Variants in CNTNAP2 observed in about 807,000 individuals in gnomAD.
The protein encoded by CNTNAP2 is contactin associated protein 2, also known as contactin-associated protein-like 2.
Under a neutral mutation model 155.2 loss-of-function variants are expected in CNTNAP2, and 98 were observed. That is an observed-to-expected ratio of 0.63 (90% CI 0.54 to 0.75). The LOEUF (loss-of-function observed/expected upper bound fraction) is 0.75. Ranked by LOEUF, CNTNAP2 falls within the 30% of genes least tolerant of loss-of-function variation. The probability of loss-of-function intolerance (pLI) is 0.00; values close to 1 mark genes in which losing one functional copy is unlikely to be tolerated. For synonymous variants in CNTNAP2, 651 were observed against 631.2 expected (o/e 1.03, Z -0.47); for missense variants, 1,727 against 1,688.1 (o/e 1.02, Z -0.40).
chr7:147,402,742 T>G (rs1234469408), intron 10 of CNTNAP2, among the ~76,000 whole-genome samples: 1 of 152,172 alleles, frequency 6.6e-6, no homozygotes, highest in African/African-American at 2.4e-5. Context: ...GACAGCTTCC[T>G]TAGGCTACGC....
At chr7:146,452,970 C>A (rs977853779) in intron 1 of CNTNAP2, among the ~76,000 whole-genome samples, 2 of 152,196 alleles carry the variant, frequency 1.3e-5, no homozygotes, top group African/African-American at 4.8e-5. Flanking sequence ...AAGAGACCTA[C>A]AACAGCCCCA....
intron 1 of CNTNAP2, among the ~76,000 whole-genome samples, chr7:146,456,840 A>C (rs926192391): frequency 6.6e-6 from 1 of 152,168 alleles, no homozygotes; most frequent in African/African-American, 2.4e-5. Flanking sequence ...GCAACAGCCC[A>C]TTTGCAATTT....
intron 10 of CNTNAP2, among the ~76,000 whole-genome samples, chr7:147,485,082 C>A (rs1199248911): frequency 6.6e-6 from 1 of 152,108 alleles, no homozygotes; most frequent in Non-Finnish European, 1.5e-5. Context: ...TGTTTCAGGA[C>A]AAATTTCAGC....
chr7:146,998,699 T>G (rs1169267434), intron 3 of CNTNAP2, among the ~76,000 whole-genome samples: 3 of 152,030 alleles, frequency 2.0e-5, no homozygotes, highest in African/African-American at 7.2e-5. Context: ...CTTTATATAT[T>G]TAGGTGGTCC....
chr7:146,437,743 A>C (rs1478704224), intron 1 of CNTNAP2, among the ~76,000 whole-genome samples: 1 of 151,616 alleles, frequency 6.6e-6, no homozygotes, highest in African/African-American at 2.4e-5. Flanking sequence ...CCTGCTAAAC[A>C]TTCCATTTGT....
At chr7:146,539,007 C>T (rs1057053459) in intron 1 of CNTNAP2, among the ~76,000 whole-genome samples, 4 of 152,030 alleles carry the variant, frequency 2.6e-5, no homozygotes, top group African/African-American at 9.7e-5. Context: ...TGTATTCATA[C>T]ACGTAGCCCA....
chr7:146,492,537 A>C (rs1380814600), intron 1 of CNTNAP2, among the ~76,000 whole-genome samples: 1 of 152,308 alleles, frequency 6.6e-6, no homozygotes, highest in African/African-American at 2.4e-5. Flanking sequence ...GCAGGTGTCA[A>C]ACCAACTCCT....
At chr7:148,185,692 T>C (rs1283883382) in intron 18 of CNTNAP2, among the ~76,000 whole-genome samples, 1 of 152,266 alleles carries the variant, frequency 6.6e-6, no homozygotes, top group Non-Finnish European at 1.5e-5. Flanking sequence ...AAAGCTTTAC[T>C]ATTGAAGTAA....
intron 15 of CNTNAP2, among the ~76,000 whole-genome samples, chr7:148,027,361 T>C (rs1258264507): frequency 6.6e-6 from 1 of 152,214 alleles, no homozygotes; most frequent in Non-Finnish European, 1.5e-5. Context: ...TGTCTGAATT[T>C]TTTCTTAATT....
chr7:146,256,780 A>G (rs113359818), intron 1 of CNTNAP2, among the ~76,000 whole-genome samples: 1 of 152,072 alleles, frequency 6.6e-6, no homozygotes, highest in Non-Finnish European at 1.5e-5. Flanking sequence ...TCCTTCAATT[A>G]CTGGTGGGAA....
At chr7:148,172,761 A>C (rs1409359439) in intron 18 of CNTNAP2, among the ~76,000 whole-genome samples, 1 of 152,296 alleles carries the variant, frequency 6.6e-6, no homozygotes, top group Non-Finnish European at 1.5e-5. Flanking sequence ...TTACATCTTA[A>C]TGGTGAGTGA....
intron 1 of CNTNAP2, among the ~76,000 whole-genome samples, chr7:146,717,998 A>G (rs184979597): frequency 6.6e-6 from 1 of 152,220 alleles, no homozygotes; most frequent in Admixed American, 6.5e-5. Flanking sequence ...CTTCTTTTAC[A>G]CCTTTAATAA....
intron 19 of CNTNAP2, among the ~76,000 whole-genome samples, chr7:148,226,238 A>T (rs1274521616): frequency 6.6e-6 from 1 of 152,172 alleles, no homozygotes; most frequent in Non-Finnish European, 1.5e-5. Context: ...CTGGAGTTCA[A>T]GAGAGAAGTC....
intron 13 of CNTNAP2, among the ~76,000 whole-genome samples, chr7:147,776,405 T>C (rs1484237772): frequency 6.6e-6 from 1 of 152,118 alleles, no homozygotes; most frequent in East Asian, 1.9e-4. Context: ...AATGCACAAT[T>C]TGCCTAAGTC....
chr7:148,275,366 G>A (rs189552677), intron 21 of CNTNAP2, among the ~76,000 whole-genome samples: 2 of 152,270 alleles, frequency 1.3e-5, no homozygotes, highest in East Asian at 3.9e-4. Context: ...ACTAGAGGAA[G>A]TAACACAGAA....
intron 3 of CNTNAP2, among the ~76,000 whole-genome samples, chr7:146,884,044 A>G (rs1795606596): frequency 6.6e-6 from 1 of 152,110 alleles, no homozygotes; most frequent in Admixed American, 6.6e-5. Context: ...TCTGATTTCT[A>G]ACTATTATTT....
At chr7:148,280,478 T>G (rs1480109718) in intron 21 of CNTNAP2, among the ~76,000 whole-genome samples, 1 of 152,154 alleles carries the variant, frequency 6.6e-6, no homozygotes, top group Non-Finnish European at 1.5e-5. Context: ...CATATCAATG[T>G]TAATATCCTG....
chr7:146,797,868 T>C (rs1020346224), intron 2 of CNTNAP2, among the ~76,000 whole-genome samples: 16 of 152,224 alleles, frequency 1.1e-4, no homozygotes, highest in Admixed American at 4.6e-4. Flanking sequence ...TCAAAAATAT[T>C]TCAGGTGTAA....
intron 1 of CNTNAP2, among the ~76,000 whole-genome samples, chr7:146,290,387 A>G (rs955971346): frequency 3.9e-5 from 6 of 152,206 alleles, no homozygotes; most frequent in Non-Finnish European, 7.3e-5. Context: ...TTAAACATGA[A>G]GACAGAACTC....
Sources: gnomAD v4.1 joint callset for allele counts (sites outside exome capture counted in the v4.1 genomes callset) on GRCh38, gnomAD v4.1.1 for gene constraint, MANE v1.5 for transcripts, NCBI Gene and HGNC (gene_info 2026-07-23, HGNC 2026-07-21) for gene names.